The following PSMD1 variants were observed in gnomAD, a reference collection of about 807,000 sequenced individuals.
PSMD1 encodes 26S proteasome non-ATPase regulatory subunit 1.
A neutral mutation model predicts 119.0 loss-of-function variants in PSMD1; 18 were observed. The ratio of observed to expected loss-of-function variants is 0.15; its 90% confidence interval spans 0.10 to 0.22. The LOEUF is 0.22. PSMD1 is among the 10% of genes least tolerant of loss of function. The pLI, the probability that PSMD1 is intolerant of heterozygous loss-of-function variation, is 1.00. For synonymous variants in PSMD1, 374 were observed against 396.6 expected, an observed-to-expected ratio of 0.94 and a Z score of 0.68; for missense variants, 702 against 1,158.5, an observed-to-expected ratio of 0.61 and a Z score of 5.72.
At chr2:231,091,176 G>GA (rs1407552118) in intron 16 of PSMD1, among the ~76,000 whole-genome samples, 1 of 152,166 alleles carries the variant, frequency 6.6e-6, no homozygotes, top group African/African-American at 2.4e-5. Context: ...GAAAGGCTTG[G>GA]AGCAAACACA....
intron 1 of PSMD1, among the ~76,000 whole-genome samples, chr2:231,058,034 C>A (rs1248611415): frequency 2.6e-5 from 4 of 152,174 alleles, no homozygotes; most frequent in Non-Finnish European, 5.9e-5. Flanking sequence ...TTAAGGAGAT[C>A]GTTGGAGATA....
At chr2:231,118,859 C>T (rs1286220067) in intron 16 of PSMD1, among the ~76,000 whole-genome samples, 1 of 152,204 alleles carries the variant, frequency 6.6e-6, no homozygotes, top group African/African-American at 2.4e-5. Flanking sequence ...CAGAGGTACT[C>T]AGTTCATGAA....
chr2:231,126,655 T>G (rs1013673268), intron 16 of PSMD1, among the ~76,000 whole-genome samples: 1 of 152,044 alleles, frequency 6.6e-6, no homozygotes, highest in African/African-American at 2.4e-5. Context: ...AAATATTAAG[T>G]ATATTATAAA....
intron 16 of PSMD1, among the ~76,000 whole-genome samples, chr2:231,102,000 T>A (rs1242849190): frequency 6.6e-6 from 1 of 152,158 alleles, no homozygotes; most frequent in East Asian, 1.9e-4. Context: ...TTGTTTGTTT[T>A]GCAAAGACAG....
intron 16 of PSMD1, among the ~76,000 whole-genome samples, chr2:231,102,797 C>T (rs1379527045): frequency 6.6e-6 from 1 of 151,964 alleles, no homozygotes; most frequent in African/African-American, 2.4e-5. Flanking sequence ...TTAGTGGGCC[C>T]ACACAGTTCA....
In PSMD1 at chr2:231,070,065, G is replaced by A. The variant is rs193207787; in HGVS notation, c.551G>A (p.Cys184Tyr). The A allele has an allele frequency of 3.2e-6, 5 of 1,548,728 alleles. No individual in the cohort carries two copies. The Admixed American group carries it at 1.0e-4, about 32-fold the overall frequency. Residue 184 changes from cysteine to tyrosine, a missense_variant, in exon 6 of 25, where the codon TGC (cysteine) becomes TAC (tyrosine). By Grantham distance (194) the Cys-to-Tyr change is radical (BLOSUM62 -2). Transcript: ENST00000308696. ...ATGTTAGCTTATAGCCTTAAGCTCTGCATGTCTTTAATGCAGAATAAACAG... is the reference window on the plus strand; with the variant it reads ...ATGTTAGCTTATAGCCTTAAGCTCTACATGTCTTTAATGCAGAATAAACAG... ...PGMLAYSLKL[C>Y]MSLMQNKQFR...
intron 16 of PSMD1, among the ~76,000 whole-genome samples, chr2:231,114,947 G>A (rs1003975852): frequency 3.3e-5 from 5 of 152,128 alleles, no homozygotes; most frequent in Non-Finnish European, 7.4e-5. Context: ...CAGATGTCAT[G>A]CATGTGAGAT....
chr2:231,060,784 T>G (rs563352864), intron 1 of PSMD1, among the ~76,000 whole-genome samples: 5 of 152,370 alleles, frequency 3.3e-5, no homozygotes, highest in Admixed American at 3.3e-4. Context: ...TGCTCCCATT[T>G]TTGTAAATAA....
At chr2:231,057,315 C>T (rs1474386625) in intron 1 of PSMD1, among the ~76,000 whole-genome samples, 2 of 152,184 alleles carry the variant, frequency 1.3e-5, no homozygotes, top group African/African-American at 2.4e-5. Flanking sequence ...CTGGGCCTTC[C>T]CCTGACCCCA....
intron 16 of PSMD1, among the ~76,000 whole-genome samples, chr2:231,115,691 A>G (rs1041601658): frequency 2.6e-5 from 4 of 152,162 alleles, no homozygotes; most frequent in Non-Finnish European, 5.9e-5. Flanking sequence ...AAATTCAGGT[A>G]TAATTAAGTC....
chr2:231,091,886 C>T (rs990660064), intron 16 of PSMD1, among the ~76,000 whole-genome samples: 1 of 152,196 alleles, frequency 6.6e-6, no homozygotes, highest in Non-Finnish European at 1.5e-5. Context: ...TGCTCCCAGT[C>T]ACAGTTTAAG....
At chr2:231,080,403 G>T (rs1694281521) in intron 12 of PSMD1, 89 bp downstream of exon 12, 6 of 1,162,592 alleles carry the variant, frequency 5.2e-6, no homozygotes, top group Non-Finnish European at 5.8e-6. Flanking sequence ...TGGAGATTTT[G>T]TAGAATTTGC....
intron 17 of PSMD1, among the ~76,000 whole-genome samples, chr2:231,142,683 C>G (rs1194634145): frequency 6.6e-6 from 1 of 151,656 alleles, no homozygotes; most frequent in Non-Finnish European, 1.5e-5. Flanking sequence ...TAAAATATAC[C>G]ATTGGGGTTG....
rs575645171 is a variant in PSMD1 at position 231,076,249 on chromosome 2, G to A, written c.942+678G>A. Among the ~76,000 whole-genome samples the A allele has an allele frequency of 3.9e-5, 6 of 152,312 alleles. No homozygotes were observed. In the East Asian group the frequency reaches 5.8e-4, roughly 15 times the overall value. On this transcript the variant is annotated intron_variant, in intron 8 of 24. Transcript: ENST00000308696. ...TTTTGTTGTTTTTAATGTTTGCAGCGTATTGGAAGGGTAGGGTAAATATTA... is the reference window on the plus strand; with the variant it reads ...TTTTGTTGTTTTTAATGTTTGCAGCATATTGGAAGGGTAGGGTAAATATTA...
intron 16 of PSMD1, among the ~76,000 whole-genome samples, chr2:231,119,786 G>A (rs186654264): frequency 4.2e-5 from 6 of 144,370 alleles, no homozygotes; most frequent in African/African-American, 1.3e-4. Flanking sequence ...CAGGAGAATC[G>A]TTTGAACCTG....
intron 16 of PSMD1, among the ~76,000 whole-genome samples, chr2:231,133,198 G>A (rs112444154): frequency 2.6e-5 from 4 of 151,974 alleles, no homozygotes; most frequent in African/African-American, 7.3e-5. Flanking sequence ...TCACTCTGTC[G>A]CCCAGCCTCC....
chr2:231,134,063 T>C (rs1334104605), intron 16 of PSMD1, among the ~76,000 whole-genome samples: 1 of 152,230 alleles, frequency 6.6e-6, no homozygotes, highest in Non-Finnish European at 1.5e-5. Context: ...AGCAGAAAAT[T>C]ACAACTTTTT....
intron 10 of PSMD1, among the ~76,000 whole-genome samples, 183 bp from the exon 11 acceptor site, chr2:231,079,353 A>G (rs577627753): frequency 6.6e-6 from 1 of 152,302 alleles, no homozygotes; most frequent in Admixed American, 6.5e-5. Flanking sequence ...CGTGCATTTT[A>G]AAAATCCTTA....
At chr2:231,116,170 C>T (rs975689080) in intron 16 of PSMD1, among the ~76,000 whole-genome samples, 1 of 152,062 alleles carries the variant, frequency 6.6e-6, no homozygotes, top group African/African-American at 2.4e-5. Context: ...TGGAAAAGGA[C>T]CTTGGACACA....
Sources: allele counts gnomAD v4.1 joint callset (sites outside exome capture counted in the v4.1 genomes callset), GRCh38; gene constraint gnomAD v4.1.1; transcripts MANE v1.5; gene names NCBI Gene and HGNC (gene_info 2026-07-23, HGNC 2026-07-21).